ROBO2: variants seen among roughly 807,000 people sequenced by gnomAD.
ROBO2 encodes the protein roundabout homolog 2.
ROBO2 carries 53 observed loss-of-function variants against 160.8 expected under a neutral mutation model. That is an observed-to-expected ratio of 0.33 (90% CI 0.26 to 0.41). The LOEUF (loss-of-function observed/expected upper bound fraction) is 0.41, where lower values mean the gene tolerates loss of function less well. Ranked by LOEUF, ROBO2 falls within the 10% of genes least tolerant of loss-of-function variation. The pLI is 1.00. For synonymous variants in ROBO2, 664 were observed against 611.7 expected (o/e 1.09, Z -1.26); for missense variants, 1,577 against 1,722.4 (o/e 0.92, Z 1.49).
At chr3:76,418,895 A>T (rs6804615) in intron 2 of ROBO2, among the ~76,000 whole-genome samples, 151,080 of 152,328 alleles carry the variant, frequency 0.99, 74,928 homozygotes, top group Middle Eastern at 1. Flanking sequence ...AAACTAGAAT[A>T]AATTCAATTA....
At chr3:77,453,695 T>A (rs1322313074) in intron 2 of ROBO2, among the ~76,000 whole-genome samples, 2 of 152,244 alleles carry the variant, frequency 1.3e-5, no homozygotes, top group East Asian at 1.9e-4. Context: ...TGTTTTCTCT[T>A]GTTTAGTCCT....
chr3:76,514,750 C>T (rs969104476), intron 2 of ROBO2, among the ~76,000 whole-genome samples: 1 of 152,146 alleles, frequency 6.6e-6, no homozygotes, highest in African/African-American at 2.4e-5. Context: ...TATGCACTTA[C>T]AGTGCCTATT....
intron 2 of ROBO2, among the ~76,000 whole-genome samples, chr3:76,257,407 T>A (rs1474522878): frequency 6.6e-6 from 1 of 152,140 alleles, no homozygotes; most frequent in Non-Finnish European, 1.5e-5. Context: ...CCCTAAACTT[T>A]GTGCCAAGGA....
intron 2 of ROBO2, among the ~76,000 whole-genome samples, chr3:76,179,309 G>A (rs1168372529): frequency 6.6e-6 from 1 of 152,030 alleles, no homozygotes; most frequent in East Asian, 1.9e-4. Context: ...GACTTTCAAA[G>A]CACTGCTATT....
chr3:77,148,202 C>T (rs1275569133), intron 2 of ROBO2, among the ~76,000 whole-genome samples: 1 of 152,182 alleles, frequency 6.6e-6, no homozygotes, highest in African/African-American at 2.4e-5. Flanking sequence ...ATGCCTTCAC[C>T]CACTCCTTAA....
intron 2 of ROBO2, among the ~76,000 whole-genome samples, chr3:76,745,319 T>G (rs566087963): frequency 6.6e-6 from 1 of 152,288 alleles, no homozygotes; most frequent in South Asian, 2.1e-4. Context: ...GTGACTAATT[T>G]TACTCCAGGT....
intron 2 of ROBO2, among the ~76,000 whole-genome samples, chr3:76,674,583 A>G (rs1372204280): frequency 4.5e-5 from 6 of 134,582 alleles, no homozygotes; most frequent in Non-Finnish European, 6.3e-5. Context: ...TTCTAACCCT[A>G]GCCCACCTCC....
chr3:77,136,072 C>T (rs537335232), intron 2 of ROBO2, among the ~76,000 whole-genome samples: 31 of 152,104 alleles, frequency 2.0e-4, no homozygotes, highest in African/African-American at 7.5e-4. Flanking sequence ...TATTTTTTAC[C>T]AGCTTTTGCC....
At chr3:76,132,513 C>T (rs981690428) in intron 2 of ROBO2, among the ~76,000 whole-genome samples, 7 of 151,890 alleles carry the variant, frequency 4.6e-5, no homozygotes, top group South Asian at 2.1e-4. Context: ...CTCAAGTTCC[C>T]GGATGCCACC....
chr3:77,181,797 A>C (rs1471188957), intron 2 of ROBO2, among the ~76,000 whole-genome samples: 1 of 152,138 alleles, frequency 6.6e-6, no homozygotes, highest in Non-Finnish European at 1.5e-5. Context: ...ATTTAATTAT[A>C]GTGAAAATAT....
chr3:77,322,853 C>A (rs1435054250), intron 2 of ROBO2, among the ~76,000 whole-genome samples: 1 of 103,216 alleles, frequency 9.7e-6, no homozygotes, highest in Non-Finnish European at 1.8e-5. Flanking sequence ...TTATATTATA[C>A]ATATGTATTA....
At chr3:76,621,726 C>G (rs2089098879) in intron 2 of ROBO2, among the ~76,000 whole-genome samples, 1 of 152,122 alleles carries the variant, frequency 6.6e-6, no homozygotes, top group African/African-American at 2.4e-5. Flanking sequence ...CACATAAGTA[C>G]TTGTTACTGC....
At chr3:75,932,248 T>C (rs1434667964) in intron 1 of ROBO2, among the ~76,000 whole-genome samples, 1 of 152,152 alleles carries the variant, frequency 6.6e-6, no homozygotes, top group Non-Finnish European at 1.5e-5. Flanking sequence ...CTACTAAATC[T>C]GAGGAGTTTT....
chr3:77,605,247 T>C (rs1393334703), intron 20 of ROBO2, among the ~76,000 whole-genome samples: 1 of 151,348 alleles, frequency 6.6e-6, no homozygotes, highest in Non-Finnish European at 1.5e-5. Context: ...TATATGTAAG[T>C]CATTAAAATA....
chr3:75,969,561 C>G (rs1476822722), intron 2 of ROBO2, among the ~76,000 whole-genome samples: 1 of 151,518 alleles, frequency 6.6e-6, no homozygotes, highest in Admixed American at 6.6e-5. Flanking sequence ...TTTTTCCACA[C>G]CCTCATCACA....
intron 2 of ROBO2, among the ~76,000 whole-genome samples, chr3:76,948,853 C>T (rs1397148555): frequency 2.1e-4 from 28 of 134,356 alleles, no homozygotes; most frequent in Admixed American, 2.0e-3. Context: ...TACAGGTGCC[C>T]GCCACCACAC....
exon 14 of ROBO2, chr3:77,574,664 C>T (rs773112305): frequency 2.5e-6 from 4 of 1,613,182 alleles, no homozygotes; most frequent in Non-Finnish European, 2.5e-6. Flanking sequence ...AATTAAAGTA[C>T]GGCCATATTT....
At chr3:76,843,579 T>C (rs1443128861) in intron 2 of ROBO2, among the ~76,000 whole-genome samples, 1 of 152,014 alleles carries the variant, frequency 6.6e-6, no homozygotes, top group African/African-American at 2.4e-5. Context: ...TTGCATGATT[T>C]TTACATCAAA....
At chr3:76,279,718 TATC>T (rs1553694909) in intron 2 of ROBO2, among the ~76,000 whole-genome samples, 1 of 147,336 alleles carries the variant, frequency 6.8e-6, no homozygotes, top group Non-Finnish European at 1.5e-5. Flanking sequence ...GGGAAACAAT[TATC>T]ATTGCATCAG....
Sources: gnomAD v4.1 joint callset for allele counts (sites outside exome capture counted in the v4.1 genomes callset) on GRCh38, gnomAD v4.1.1 for gene constraint, MANE v1.5 for transcripts, NCBI Gene and HGNC (gene_info 2026-07-23, HGNC 2026-07-21) for gene names.